The following FOXP2 variants were observed in gnomAD, a reference collection of about 807,000 sequenced individuals.
FOXP2 encodes the protein forkhead box protein P2.
A neutral mutation model predicts 115.8 loss-of-function variants in FOXP2; 12 were observed. The observed-to-expected ratio is 0.10, with a 90% CI of 0.07 to 0.17. The LOEUF (loss-of-function observed/expected upper bound fraction) is 0.17. Ranked by LOEUF, FOXP2 falls within the 10% of genes least tolerant of loss-of-function variation. FOXP2 has a pLI of 1.00. For synonymous variants in FOXP2, 328 were observed against 297.7 expected, an observed-to-expected ratio of 1.10 and a Z score of -1.05; for missense variants, 629 against 843.5, an observed-to-expected ratio of 0.75 and a Z score of 3.15.
intron 3 of FOXP2, among the ~76,000 whole-genome samples, chr7:114,558,664 G>A (rs533229593): frequency 2.0e-5 from 3 of 152,072 alleles, no homozygotes; most frequent in East Asian, 1.9e-4. Context: ...ACCCCACCCC[G>A]TCTCCATTTG....
chr7:114,177,470 T>C (rs907717669), intron 1 of FOXP2, among the ~76,000 whole-genome samples: 1 of 152,128 alleles, frequency 6.6e-6, no homozygotes, highest in African/African-American at 2.4e-5. Flanking sequence ...TTCTATAGTT[T>C]GAATAAAGCA....
At chr7:114,410,722 C>T (rs977577691), upstream of FOXP2, among the ~76,000 whole-genome samples, 3 of 151,974 alleles carry the variant, frequency 2.0e-5, no homozygotes, top group Non-Finnish European at 2.9e-5. Context: ...AAATTACCAC[C>T]GCCTTTGGAA....
Position 114,676,244 on chromosome 7 carries a change from C to T in FOXP2, c.2003+11808C>T, listed in dbSNP as rs774467228. Among the ~76,000 whole-genome samples, 33 of 151,870 alleles carry T rather than the reference C, an allele frequency of 2.2e-4. No individual in the cohort carries two copies. The Middle Eastern group carries it at 0.01, about 47-fold the overall frequency. On this transcript the variant is annotated intron_variant, in intron 16 of 16. Transcript: ENST00000350908. Reference sequence around the variant, plus strand: ...GTACCCGGCCTAAAACGTTTTCTATCGGAGCTAGTTAATGTATTCCACGTA... The same window carrying T: ...GTACCCGGCCTAAAACGTTTTCTATTGGAGCTAGTTAATGTATTCCACGTA...
upstream of FOXP2, among the ~76,000 whole-genome samples, chr7:114,410,045 CTT>C (rs1353333995): frequency 2.6e-5 from 4 of 152,060 alleles, no homozygotes; most frequent in Non-Finnish European, 4.4e-5. Flanking sequence ...TATATTTCCT[CTT>C]AAAAAAATCC....
chr7:114,305,887 T>C (rs2129179158), intron 2 of FOXP2, among the ~76,000 whole-genome samples: 1 of 150,934 alleles, frequency 6.6e-6, no homozygotes, highest in African/African-American at 2.4e-5. Context: ...AGCTAATAAA[T>C]AGAAGAACCA....
At chr7:114,136,247 C>T (rs1323095060) in intron 1 of FOXP2, among the ~76,000 whole-genome samples, 1 of 152,036 alleles carries the variant, frequency 6.6e-6, no homozygotes, top group Non-Finnish European at 1.5e-5. Flanking sequence ...TTTATTTCTT[C>T]TTCTGTGTTT....
At chr7:114,273,632 G>A (rs1796118170) in intron 1 of FOXP2, among the ~76,000 whole-genome samples, 1 of 151,908 alleles carries the variant, frequency 6.6e-6, no homozygotes, top group African/African-American at 2.4e-5. Context: ...TTGCTCTGTT[G>A]TTAGGTACAT....
intron 2 of FOXP2, among the ~76,000 whole-genome samples, chr7:114,463,655 T>A (rs1043440515): frequency 1.9e-4 from 29 of 152,192 alleles, no homozygotes; most frequent in African/African-American, 7.0e-4. Flanking sequence ...AGTAAAAAAA[T>A]ACAATTAAAA....
chr7:114,118,335 T>G (rs554488553), intron 1 of FOXP2, among the ~76,000 whole-genome samples: 1 of 152,156 alleles, frequency 6.6e-6, no homozygotes, highest in Non-Finnish European at 1.5e-5. Context: ...ATTTTCAAAA[T>G]GGGAAATATT....
intron 1 of FOXP2, among the ~76,000 whole-genome samples, chr7:114,152,048 A>G (rs1359734150): frequency 6.6e-6 from 1 of 152,190 alleles, no homozygotes; most frequent in Non-Finnish European, 1.5e-5. Flanking sequence ...ATGTAAAAAT[A>G]GTTAAGGAAT....
rs750710459 is a variant in FOXP2, at chr7:114,691,943, G to GAAAAAAAAAAAAAAA, written c.*2030_*2031insAAAAAAAAAAAAAAA. On this transcript the variant is annotated 3_prime_UTR_variant, in exon 17 of 17. Coordinates refer to ENST00000350908, the MANE Select transcript of FOXP2 (RefSeq NM_014491.4). ...TTCTACCTCTGCAAAAAAAAAAAAA[G>GAAAAAAAAAAAAAAA]AAAAAAAAAAAAAGAAAAACATTAG... is the stretch of plus-strand genomic sequence containing the variant. 3 of 365,528 alleles carry GAAAAAAAAAAAAAAA rather than the reference G, an allele frequency of 8.2e-6. No individual in the cohort carries two copies. The highest frequency in any genetic ancestry group is 5.3e-5 in the African/African-American group (2 of 37,708). The allele number at this position is 365,528 out of a possible 1,614,324, so 22.6% of individuals were successfully genotyped here. A position where few individuals can be genotyped will look rare whatever the true frequency, so the allele number is the denominator to read the frequency against.
chr7:114,682,186 G>A (rs1012212031), intron 16 of FOXP2, among the ~76,000 whole-genome samples: 1 of 152,108 alleles, frequency 6.6e-6, no homozygotes, highest in Non-Finnish European at 1.5e-5. Flanking sequence ...GCATAGCTAG[G>A]AAGTAAAGGA....
At chr7:114,093,900 C>T (rs1338995477) in intron 1 of FOXP2, among the ~76,000 whole-genome samples, 2 of 151,874 alleles carry the variant, frequency 1.3e-5, no homozygotes, top group African/African-American at 2.4e-5. Context: ...TAATATTTAC[C>T]GAAAGTTAAA....
chr7:114,630,098 G>T, intron 5 of FOXP2, 93 bp downstream of exon 5: 8 of 1,595,030 alleles, frequency 5.0e-6, no homozygotes, highest in Middle Eastern at 1.7e-4. Context: ...CTATAACAAG[G>T]CTCTTGCTGT....
At chr7:114,584,007 C>T (rs1801997925) in intron 3 of FOXP2, among the ~76,000 whole-genome samples, 2 of 152,074 alleles carry the variant, frequency 1.3e-5, no homozygotes, top group South Asian at 2.1e-4. Flanking sequence ...GCCCACACAC[C>T]CTTTGAGGTA....
intron 1 of FOXP2, among the ~76,000 whole-genome samples, chr7:114,121,071 T>G (rs1011719133): frequency 6.6e-6 from 1 of 152,088 alleles, no homozygotes; most frequent in African/African-American, 2.4e-5. Flanking sequence ...TATTATGGAC[T>G]GAATGTTTAC....
At chr7:114,423,428 CTG>C (rs1793703589) in intron 1 of FOXP2, among the ~76,000 whole-genome samples, 1 of 151,614 alleles carries the variant, frequency 6.6e-6, no homozygotes, top group Admixed American at 6.6e-5. Flanking sequence ...AAAAGTCTAA[CTG>C]TATCGTTTGA....
intron 1 of FOXP2, among the ~76,000 whole-genome samples, chr7:114,227,229 T>C (rs1235093089): frequency 6.6e-6 from 1 of 152,086 alleles, no homozygotes; most frequent in Non-Finnish European, 1.5e-5. Flanking sequence ...GTGGAATCAT[T>C]GTGAGCATGG....
intron 2 of FOXP2, among the ~76,000 whole-genome samples, chr7:114,321,982 A>T (rs1402911625): frequency 6.7e-6 from 1 of 150,246 alleles, no homozygotes; most frequent in African/African-American, 2.4e-5. Flanking sequence ...TGATTTTATT[A>T]TTAGCCAAAA....
Sources: gnomAD v4.1 joint callset for allele counts (sites outside exome capture counted in the v4.1 genomes callset) on GRCh38, gnomAD v4.1.1 for gene constraint, MANE v1.5 for transcripts, NCBI Gene and HGNC (gene_info 2026-07-23, HGNC 2026-07-21) for gene names.